Variants in FAM3D observed in about 807,000 individuals in gnomAD.
FAM3D encodes FAM3 metabolism regulating signaling molecule D.
In FAM3D, 26 loss-of-function variants were observed where a neutral mutation model predicts 29.8. That is an observed-to-expected ratio of 0.87 (90% confidence interval 0.64 to 1.21). The LOEUF is 1.21. Among genes scored for constraint, FAM3D ranks in the 50% most tolerant of loss-of-function variants. FAM3D has a pLI of 0.00. For missense variants in FAM3D, 253 were observed against 290.9 expected (o/e 0.87, Z 0.95); for synonymous variants, 115 against 102.3 (o/e 1.12, Z -0.75).
At chr3:58,661,499 C>T (rs1386397752) in intron 1 of FAM3D, among the ~76,000 whole-genome samples, 1 of 152,198 alleles carries the variant, frequency 6.6e-6, no homozygotes, top group African/African-American at 2.4e-5. Context: ...TCTGAAGGTG[C>T]CACGCTCAGT....
chr3:58,641,083 ACT>A (rs764432466), intron 6 of FAM3D, among the ~76,000 whole-genome samples: 13 of 151,622 alleles, frequency 8.6e-5, no homozygotes, highest in Non-Finnish European at 1.6e-4. Flanking sequence ...GATCCTGAGG[ACT>A]CTCTGCCCCA....
intron 5 of FAM3D, among the ~76,000 whole-genome samples, chr3:58,644,940 C>T (rs1257997383): frequency 6.6e-6 from 1 of 152,200 alleles, no homozygotes; most frequent in Non-Finnish European, 1.5e-5. Context: ...TTTGCTTAAA[C>T]AAACTGTGGT....
chr3:58,643,196 G>A (rs528067392), intron 6 of FAM3D, among the ~76,000 whole-genome samples: 1 of 152,354 alleles, frequency 6.6e-6, no homozygotes, highest in South Asian at 2.1e-4. Flanking sequence ...TACCTACGGA[G>A]GCTGTGAAGC....
rs146215938 is a variant in FAM3D, at chr3:58,656,454, A to G, written c.-38-853T>C. On this transcript the variant is annotated intron_variant, in intron 1 of 9. Transcript: ENST00000358781. ...TTTATCTCAGAGGAGGGTTGAAACCAAAGTTTTCTCCCTTATTCAGTTCTG... is the reference window on the plus strand; with the variant it reads ...TTTATCTCAGAGGAGGGTTGAAACCGAAGTTTTCTCCCTTATTCAGTTCTG... Among the ~76,000 whole-genome samples, 44 of 152,208 alleles carry G rather than the reference A, an allele frequency of 2.9e-4. 3 individuals are homozygous for G. In the East Asian group the frequency reaches 8.5e-3, roughly 29 times the overall value.
At position 58,635,636 on chromosome 3, in the gene FAM3D, G is replaced by T. The variant is rs544456940; in HGVS notation, c.585+658C>A. On this transcript the variant is annotated intron_variant, in intron 9 of 9. Coordinates refer to ENST00000358781, the MANE Select transcript of FAM3D (RefSeq NM_138805.3). The surrounding 1 kb of genome is among the most constrained non-coding windows in gnomAD (Gnocchi z 5.2). ...CACAGGACATTCGGGAACCACACCCGGCCGCCCCCGCCCACCGGCCTCCTG... is the reference window on the plus strand; with the variant it reads ...CACAGGACATTCGGGAACCACACCCTGCCGCCCCCGCCCACCGGCCTCCTG... Among the ~76,000 whole-genome samples, 1 of 152,092 alleles carries T rather than the reference G, an allele frequency of 6.6e-6. No homozygotes were observed. The highest frequency in any genetic ancestry group is 1.5e-5 in the Non-Finnish European group (1 of 68,020).
intron 4 of FAM3D, among the ~76,000 whole-genome samples, chr3:58,648,824 G>A (rs7620807): frequency 6.6e-6 from 1 of 151,936 alleles, no homozygotes; most frequent in African/African-American, 2.4e-5. Context: ...TCTTAGGCAG[G>A]TCTGGCATTT....
chr3:58,654,727 G>T (rs1341738049), intron 2 of FAM3D, among the ~76,000 whole-genome samples: 2 of 149,870 alleles, frequency 1.3e-5, no homozygotes, highest in Non-Finnish European at 2.9e-5. Flanking sequence ...CAGCTCTAGA[G>T]CCTTGAACTA....
chr3:58,649,303 A>G lies in FAM3D; in HGVS notation c.145+12T>C. ...GAGGTCGGGGGAGGTGTGGGGCTGC[A>G]CAGATACTCACGGATCTCCTTGGTG... On this transcript the variant is annotated intron_variant, in intron 4 of 9. Transcript: ENST00000358781. 1 of 1,613,484 alleles carries G rather than the reference A, an allele frequency of 6.2e-7. No homozygotes were observed. Among genetic ancestry groups the G allele is most frequent in the Non-Finnish European group, 8.5e-7 (1 of 1,179,648 alleles).
Position 58,645,605 on chromosome 3 carries a change from C to G in FAM3D, c.167G>C (p.Gly56Ala). 6.2e-7 allele frequency: 1 copy of G among 1,614,134 alleles called. No individual in the cohort carries two copies. Among genetic ancestry groups the G allele is most frequent in the Non-Finnish European group, 8.5e-7 (1 of 1,180,018 alleles). Residue 56 changes from glycine (G) to alanine (A), a missense_variant, in exon 5 of 10, where the codon GGC becomes GCC. Coordinates refer to ENST00000358781, the MANE Select transcript of FAM3D (RefSeq NM_138805.3). ...KEIQVKKYKCGLIKPCPANYF... is the reference protein window; with the variant it reads ...KEIQVKKYKCALIKPCPANYF... ...GTTGGCTGGGCAGGGCTTGATGAGGCCACACTTGTACTTTTTAACCTCTGG... is the reference window on the plus strand; with the variant it reads ...GTTGGCTGGGCAGGGCTTGATGAGGGCACACTTGTACTTTTTAACCTCTGG...
At chr3:58,654,272 C>T (rs1450389853) in intron 2 of FAM3D, among the ~76,000 whole-genome samples, 1 of 152,226 alleles carries the variant, frequency 6.6e-6, no homozygotes, top group Non-Finnish European at 1.5e-5. Context: ...GTCCTTCAGG[C>T]ACAGAGCAGA....
chr3:58,648,792 C>T (rs1244368346), intron 4 of FAM3D, among the ~76,000 whole-genome samples: 1 of 152,202 alleles, frequency 6.6e-6, no homozygotes, highest in Non-Finnish European at 1.5e-5. Flanking sequence ...CCTCCTGGAA[C>T]CCAGAGCACT....
intron 6 of FAM3D, among the ~76,000 whole-genome samples, chr3:58,642,812 C>T (rs72877726): frequency 2.6e-5 from 4 of 152,294 alleles, no homozygotes; most frequent in African/African-American, 7.2e-5. Flanking sequence ...AAAGCCTTTC[C>T]GTGGCTCCCT....
At chr3:58,646,475 C>T (rs769467771) in intron 4 of FAM3D, among the ~76,000 whole-genome samples, 2 of 152,212 alleles carry the variant, frequency 1.3e-5, no homozygotes, top group Admixed American at 6.5e-5. Flanking sequence ...GAGCCCTCAA[C>T]GTGCTCTGTG....
At chr3:58,657,595 AG>A (rs2066843475) in intron 1 of FAM3D, 1 of 152,418 alleles carries the variant, frequency 6.6e-6, no homozygotes, top group Non-Finnish European at 1.5e-5. Flanking sequence ...AGTGGGGTGG[AG>A]AGGGGCAGGG....
At chr3:58,661,379 C>T (rs1040456210) in intron 1 of FAM3D, among the ~76,000 whole-genome samples, 2 of 152,186 alleles carry the variant, frequency 1.3e-5, no homozygotes, top group African/African-American at 2.4e-5. Flanking sequence ...GTACCCTCCT[C>T]GGGGGGTGGC....
At chr3:58,650,729 T>C (rs2066611375) in intron 3 of FAM3D, among the ~76,000 whole-genome samples, 2 of 152,194 alleles carry the variant, frequency 1.3e-5, no homozygotes, top group African/African-American at 4.8e-5. Flanking sequence ...TTTATTTTTA[T>C]TTTTTTGAGA....
intron 5 of FAM3D, 56 bp downstream of exon 5, chr3:58,645,453 G>GAAGGA: frequency 1.2e-6 from 1 of 867,602 alleles, no homozygotes; most frequent in Non-Finnish European, 1.6e-6. Flanking sequence ...TTTAATGAAT[G>GAAGGA]AATGAAATAA....
At chr3:58,651,009 G>A (rs922430546) in intron 3 of FAM3D, among the ~76,000 whole-genome samples, 8 of 152,196 alleles carry the variant, frequency 5.3e-5, no homozygotes, top group African/African-American at 1.9e-4. Context: ...GAGCCACCGT[G>A]CCCGGCTGGT....
chr3:58,643,193 G>A (rs775945623), intron 6 of FAM3D, among the ~76,000 whole-genome samples: 4 of 152,226 alleles, frequency 2.6e-5, no homozygotes, highest in East Asian at 1.9e-4. Context: ...GGATACCTAC[G>A]GAGGCTGTGA....
Sources: allele counts gnomAD v4.1 joint callset (sites outside exome capture counted in the v4.1 genomes callset), GRCh38; gene constraint gnomAD v4.1.1; non-coding constraint Gnocchi (gnomAD v3.1); transcripts MANE v1.5; gene names NCBI Gene and HGNC (gene_info 2026-07-23, HGNC 2026-07-21).